The following EVC variants were observed in gnomAD, a reference collection of about 807,000 sequenced individuals.
The protein encoded by EVC is EvC ciliary complex subunit 1, also known as evC complex member EVC.
In EVC, 116 loss-of-function variants were observed where a neutral mutation model predicts 118.9. That is an observed-to-expected ratio of 0.98 (90% CI 0.84 to 1.14). The LOEUF (loss-of-function observed/expected upper bound fraction) is 1.14, where lower values mean the gene tolerates loss of function less well. Among genes scored for constraint, EVC ranks in the 50% most tolerant of loss-of-function variants. The probability of loss-of-function intolerance (pLI) is 0.00; values close to 1 mark genes in which losing one functional copy is unlikely to be tolerated. For missense variants in EVC, 1,401 were observed against 1,246.4 expected, an observed-to-expected ratio of 1.12 and a Z score of -1.87; for synonymous variants, 619 against 534.7, an observed-to-expected ratio of 1.16 and a Z score of -2.18.
intron 11 of EVC, among the ~76,000 whole-genome samples, chr4:5,773,860 C>T (rs116759481): frequency 0.01 from 1,580 of 152,154 alleles, 17 homozygotes; most frequent in Non-Finnish European, 0.015. Context: ...ACTCTGAAGT[C>T]ATTAAATGTG....
chr4:5,803,981 C>G (rs898787562), intron 16 of EVC, among the ~76,000 whole-genome samples: 3 of 151,818 alleles, frequency 2.0e-5, no homozygotes, highest in African/African-American at 7.3e-5. Context: ...CACTCAATCG[C>G]CCAGACTGGA....
intron 20 of EVC, 139 bp downstream of exon 20, chr4:5,810,589 T>C (rs868360477): frequency 5.4e-6 from 4 of 739,200 alleles, no homozygotes; most frequent in South Asian, 3.1e-5. Flanking sequence ...ATGACAGATA[T>C]GAACGTAATT....
chr4:5,769,165 G>C (rs947597624), intron 11 of EVC, among the ~76,000 whole-genome samples: 1 of 53,940 alleles, frequency 1.9e-5, no homozygotes, highest in African/African-American at 7.5e-5. Context: ...TGGCTGGGGA[G>C]GCCTCACAGT....
intron 11 of EVC, among the ~76,000 whole-genome samples, chr4:5,774,850 G>A (rs1291888651): frequency 1.3e-5 from 2 of 152,066 alleles, no homozygotes; most frequent in Non-Finnish European, 2.9e-5. Context: ...TCTATTTCAG[G>A]CACAGAATAA....
rs985917734 is a variant in EVC at position 5,752,997 on chromosome 4, G to C, written c.1260G>C (p.Glu420Asp). The change falls in exon 9 of 21, where the codon GAG becomes GAC. Residue 420 changes from glutamate to aspartate, a missense_variant. Coordinates refer to ENST00000264956, the MANE Select transcript of EVC (RefSeq NM_153717.3). The stretch of plus-strand genomic sequence containing the variant: ...AGCTGTCCGGGCGGCAGAAGGAGGA[G>C]CTGCTCACGCAGCAGCACAAGGCCT... ...EGKLSGRQKE[E>D]LLTQQHKAFW... The C allele has an allele frequency of 1.2e-6, 2 of 1,612,960 alleles. No homozygotes were observed. The highest frequency in any genetic ancestry group is 1.7e-6 in the Non-Finnish European group (2 of 1,179,650).
chr4:5,723,375 G>C (rs1423745350), intron 2 of EVC, among the ~76,000 whole-genome samples: 1 of 151,922 alleles, frequency 6.6e-6, no homozygotes, highest in African/African-American at 2.4e-5. Flanking sequence ...TTTTTTAGTA[G>C]AGGCGGGCTT....
intron 7 of EVC, among the ~76,000 whole-genome samples, chr4:5,747,322 C>G (rs983311119): frequency 2.0e-5 from 3 of 152,162 alleles, no homozygotes; most frequent in African/African-American, 7.2e-5. Flanking sequence ...CCATTTCAGC[C>G]TCTCAGAGGC....
chr4:5,819,909 G>A, the EVC span, among the ~76,000 whole-genome samples: 1,043 of 152,248 alleles, frequency 6.9e-3, 14 homozygotes, highest in African/African-American at 0.022. Flanking sequence ...GTATCCACAC[G>A]AAGCCGAGGA....
chr4:5,780,288 A>T (rs868771380), intron 11 of EVC, among the ~76,000 whole-genome samples: 12 of 152,210 alleles, frequency 7.9e-5, no homozygotes, highest in Admixed American at 1.3e-4. Flanking sequence ...AGCTAGGTAC[A>T]TTCACCATAC....
intron 11 of EVC, among the ~76,000 whole-genome samples, chr4:5,767,962 A>G (rs535254476): frequency 6.6e-6 from 1 of 152,296 alleles, no homozygotes; most frequent in South Asian, 2.1e-4. Flanking sequence ...TTTCTTCCTC[A>G]GTCTGCTAAC....
intron 8 of EVC, among the ~76,000 whole-genome samples, chr4:5,751,612 G>C (rs1433614942): frequency 6.6e-6 from 1 of 152,242 alleles, no homozygotes; most frequent in Non-Finnish European, 1.5e-5. Flanking sequence ...TGTGGCCATG[G>C]CTGGTCAAGG....
intron 13 of EVC, among the ~76,000 whole-genome samples, chr4:5,794,711 G>A (rs1247356037): frequency 6.6e-6 from 1 of 151,762 alleles, no homozygotes; most frequent in East Asian, 1.9e-4. Flanking sequence ...ATGCCCAGTC[G>A]AGAAAAAAAT....
chr4:5,774,459 C>A (rs541013793), intron 11 of EVC, among the ~76,000 whole-genome samples: 1 of 151,896 alleles, frequency 6.6e-6, no homozygotes, highest in African/African-American at 2.4e-5. Context: ...CCTTTCTAAT[C>A]CTCATAATCA....
At chr4:5,777,878 T>C (rs960434157) in intron 11 of EVC, among the ~76,000 whole-genome samples, 1 of 152,070 alleles carries the variant, frequency 6.6e-6, no homozygotes, top group African/African-American at 2.4e-5. Flanking sequence ...AGGGTACATG[T>C]GCACAATGTG....
intron 18 of EVC, 137 bp from the exon 19 acceptor site, chr4:5,809,381 G>A (rs1034550946): frequency 2.4e-5 from 18 of 751,270 alleles, no homozygotes; most frequent in Non-Finnish European, 3.3e-5. Flanking sequence ...TGGGATGTAT[G>A]TTGGAAAATT....
chr4:5,739,447 A>C (rs753725631), intron 5 of EVC, among the ~76,000 whole-genome samples: 10 of 152,088 alleles, frequency 6.6e-5, no homozygotes, highest in Non-Finnish European at 1.3e-4. Context: ...GTTGCTGGGC[A>C]TTTTCTCATC....
intron 17 of EVC, among the ~76,000 whole-genome samples, chr4:5,807,400 C>T (rs7656647): frequency 0.18 from 26,950 of 152,136 alleles, 2,758 homozygotes; most frequent in South Asian, 0.34. Flanking sequence ...TTTCACACCT[C>T]GGAGCACTCC....
At chr4:5,780,242 A>G (rs1183478212) in intron 11 of EVC, among the ~76,000 whole-genome samples, 1 of 152,224 alleles carries the variant, frequency 6.6e-6, no homozygotes, top group Non-Finnish European at 1.5e-5. Context: ...GATTTGAATG[A>G]AATTTAACTT....
At chr4:5,732,632 C>T (rs887752363) in intron 4 of EVC, among the ~76,000 whole-genome samples, 4 of 152,242 alleles carry the variant, frequency 2.6e-5, no homozygotes, top group Non-Finnish European at 5.9e-5. Flanking sequence ...TCTCTCTTCC[C>T]TGAGTCAGTT....
Sources: allele counts gnomAD v4.1 joint callset (sites outside exome capture counted in the v4.1 genomes callset), GRCh38; gene constraint gnomAD v4.1.1; transcripts MANE v1.5; gene names NCBI Gene and HGNC (gene_info 2026-07-23, HGNC 2026-07-21).